The following PER3 variants were observed in gnomAD, a reference collection of about 807,000 sequenced individuals.
PER3 encodes period circadian regulator 3.
A neutral mutation model predicts 127.2 loss-of-function variants in PER3; 107 were observed. The observed-to-expected ratio is 0.84, with a 90% CI of 0.72 to 0.99. The LOEUF (loss-of-function observed/expected upper bound fraction) is 0.99, where lower values mean the gene tolerates loss of function less well. Ranked by LOEUF, PER3 falls within the 50% of genes least tolerant of loss-of-function variation. PER3 has a pLI of 0.00. For synonymous variants in PER3, 618 were observed against 585.8 expected (o/e 1.05, Z -0.79); for missense variants, 1,560 against 1,525.8 (o/e 1.02, Z -0.37).
rs986581492 is a variant in PER3 at position 7,794,096 on chromosome 1, C to G, written c.644+88C>G. On this transcript the variant is annotated intron_variant, in intron 6 of 21. Coordinates refer to ENST00000377532, the MANE Select transcript of PER3 (RefSeq NM_001377275.1). Reference sequence around the variant, plus strand: ...TGGTTTGATTCTTGTGTATTCAGCTCACTTCTGTTGCGAGATACAAAAAAT... The same window carrying G: ...TGGTTTGATTCTTGTGTATTCAGCTGACTTCTGTTGCGAGATACAAAAAAT... The G allele has an allele frequency of 2.8e-6, 3 of 1,058,654 alleles. No homozygotes were observed. The Admixed American group carries it at 5.1e-5, about 18-fold the overall frequency. The allele number at this position is 1,058,654 out of a possible 1,614,324, so 65.6% of individuals were successfully genotyped here.
chr1:7,803,575 G>A (rs1016504469), intron 9 of PER3, 117 bp from the exon 10 acceptor site: 11 of 668,606 alleles, frequency 1.6e-5, no homozygotes, highest in African/African-American at 3.6e-5. Flanking sequence ...GCAACAGAGC[G>A]AGACTCAATC....
intron 18 of PER3, among the ~76,000 whole-genome samples, chr1:7,829,539 A>G (rs930719986): frequency 2.0e-5 from 3 of 152,188 alleles, no homozygotes; most frequent in African/African-American, 7.2e-5. Flanking sequence ...CTATGATACC[A>G]CAGTAGATCT....
At chr1:7,820,069 A>T (rs2097268737) in intron 14 of PER3, 46 bp from the exon 15 acceptor site, 2 of 1,591,274 alleles carry the variant, frequency 1.3e-6, no homozygotes, top group East Asian at 4.5e-5. Context: ...GAAATGGCAC[A>T]ATTAGGGAAC....
intron 11 of PER3, 133 bp downstream of exon 11, chr1:7,809,131 T>C (rs2097208254): frequency 1.7e-6 from 1 of 574,818 alleles, no homozygotes; most frequent in Non-Finnish European, 3.1e-6. Flanking sequence ...AATTTTTGTC[T>C]TTCTCTTTTC....
In PER3 at chr1:7,819,439, G is replaced by C; in HGVS notation, c.1658+19G>C. On this transcript the variant is annotated intron_variant, in intron 14 of 21. Transcript: ENST00000377532. ...TCATCAGGTATGAGACCGCAAGTTT[G>C]GATACCATGTAAGTCTGTTCCGGAA... The C allele has an allele frequency of 2.5e-6, 4 of 1,611,428 alleles. No individual in the cohort carries two copies. Among genetic ancestry groups the C allele is most frequent in the Non-Finnish European group, 3.4e-6 (4 of 1,177,888 alleles).
At chr1:7,802,993 T>G in intron 8 of PER3, 54 bp from the exon 9 acceptor site, 2 of 904,162 alleles carry the variant, frequency 2.2e-6, no homozygotes, top group South Asian at 2.6e-5. Flanking sequence ...TTTTTAAAAG[T>G]GTATAAGAAT....
At position 7,827,358 on chromosome 1, in the gene PER3, T is replaced by G; in HGVS notation, c.2429T>G (p.Phe810Cys). ...PSQAPYLVPA[F>C]PLPAATSPGR... is the part of the protein sequence containing the mutation. ...CAGGCCCCTTACCTCGTCCCAGCTTTTCCCCTCCCAGCCGCGACCTCACCC... is the reference window on the plus strand; with the variant it reads ...CAGGCCCCTTACCTCGTCCCAGCTTGTCCCCTCCCAGCCGCGACCTCACCC... Residue 810 changes from phenylalanine to cysteine, a missense_variant, in exon 18 of 22, where the codon TTT becomes TGT. Phe to Cys is a radical substitution (Grantham distance 205). Around this residue, in one of 3 missense-constraint regions of PER3, gnomAD observed 1,332 missense variants for 1,223.6 expected, o/e 1.09. Transcript: ENST00000377532. The G allele has an allele frequency of 6.2e-7, 1 of 1,614,066 alleles. No homozygotes were observed. The highest frequency in any genetic ancestry group is 8.5e-7 in the Non-Finnish European group (1 of 1,180,004).
At chr1:7,787,243 A>G in intron 4 of PER3, 2 of 897,048 alleles carry the variant, frequency 2.2e-6, no homozygotes, top group Non-Finnish European at 2.7e-6. Context: ...ATGTTATAGA[A>G]CAGGTGAGTT....
chr1:7,836,546 ATG>A (rs1433056467), intron 20 of PER3, among the ~76,000 whole-genome samples: 1 of 152,208 alleles, frequency 6.6e-6, no homozygotes, highest in Admixed American at 6.5e-5. Context: ...CCTTTGAGAA[ATG>A]TGTCTTCAAA....
At position 7,827,829 on chromosome 1, in the gene PER3, A is replaced by G. The variant is rs2097310142; in HGVS notation, c.2886+14A>G. ...CAAACTGAGTATGTAAGTGATGCTC[A>G]TTTTCAACACTCAAGTGAGAAAGTG... On this transcript the variant is annotated intron_variant, in intron 18 of 21. Transcript: ENST00000377532. 6.4e-7 allele frequency: 1 copy of G among 1,571,394 alleles called. No individual in the cohort carries two copies. Among genetic ancestry groups the G allele is most frequent in the Non-Finnish European group, 8.7e-7 (1 of 1,147,812 alleles).
intron 3 of PER3, among the ~76,000 whole-genome samples, chr1:7,786,210 A>G (rs228728): frequency 0.97 from 147,144 of 152,302 alleles, 71,100 homozygotes; most frequent in East Asian, 1. Flanking sequence ...AGCCGAGATC[A>G]CGCCACTGCA....
In PER3 at chr1:7,835,721, G is replaced by A. The variant is rs149115798; in HGVS notation, c.3215-41G>A. 4.2e-5 allele frequency: 61 copies of A among 1,436,138 alleles called. No individual in the cohort carries two copies. In the African/African-American group the frequency reaches 6.5e-4, roughly 15 times the overall value. The allele number at this position is 1,436,138 out of a possible 1,614,324, so 89.0% of individuals were successfully genotyped here. On this transcript the variant is annotated intron_variant, in intron 19 of 21. Coordinates refer to ENST00000377532, the MANE Select transcript of PER3 (RefSeq NM_001377275.1). ...TGAGAGCCAGTTTGGCAAATCAGTC[G>A]GACAGGTCTTTTCTAATTATGTGTT...
chr1:7,810,648 G>C, intron 13 of PER3, 60 bp downstream of exon 13: 1 of 1,470,300 alleles, frequency 6.8e-7, no homozygotes, highest in Non-Finnish European at 9.2e-7. Flanking sequence ...CTGCATAGAC[G>C]TCATGTATGT....
In PER3 at chr1:7,827,181, A is replaced by G. The variant is rs1211847833; in HGVS notation, c.2252A>G (p.Lys751Arg). The G allele has an allele frequency of 6.8e-6, 11 of 1,612,920 alleles. No individual in the cohort carries two copies. The highest frequency in any genetic ancestry group is 8.5e-6 in the Non-Finnish European group (10 of 1,179,652). ...GCRKGKHKRKKLPEPPDSSSS... is the reference protein window; with the variant it reads ...GCRKGKHKRKRLPEPPDSSSS... ...AGGAAAGGGAAGCACAAGCGGAAGA[A>G]GCTGCCGGAGCCGCCAGACAGCAGC... is the stretch of plus-strand genomic sequence containing the variant. The change falls in exon 18 of 22, where the codon AAG (lysine) becomes AGG (arginine). Residue 751 changes from lysine (K) to arginine (R), a missense_variant. Physicochemically the swap from Lys to Arg is conservative, Grantham distance 26. Transcript: ENST00000377532.
chr1:7,840,557 G>C (rs776677461), intron 21 of PER3, among the ~76,000 whole-genome samples: 11 of 151,776 alleles, frequency 7.2e-5, no homozygotes, highest in Non-Finnish European at 1.6e-4. Context: ...AGCTCAAGCA[G>C]TCCACCTGCC....
Position 7,830,176 on chromosome 1 carries a change from C to A in PER3, c.3214+15C>A. 6.2e-7 allele frequency: 1 copy of A among 1,603,336 alleles called. No homozygotes were observed. Among genetic ancestry groups the A allele is most frequent in the Non-Finnish European group, 8.5e-7 (1 of 1,171,216 alleles). ...AGCAGCATCAGGTAGTGGATCAGGA[C>A]AACTAATGTTTCAAACTCCAATGCC... On this transcript the variant is annotated intron_variant, in intron 19 of 21. Transcript: ENST00000377532.
intron 21 of PER3, 180 bp from the exon 22 acceptor site, chr1:7,842,492 T>A (rs927840138): frequency 2.8e-6 from 1 of 350,934 alleles, no homozygotes; most frequent in East Asian, 1.7e-4. Context: ...ACCGCAAGAC[T>A]CTGTCTCAAA....
chr1:7,817,705 T>A (rs1009060585), intron 13 of PER3, among the ~76,000 whole-genome samples: 2 of 152,060 alleles, frequency 1.3e-5, no homozygotes, highest in African/African-American at 4.8e-5. Flanking sequence ...TACAGAGGGA[T>A]GGATAGACAC....
intron 5 of PER3, among the ~76,000 whole-genome samples, chr1:7,793,062 C>T (rs1577654334): frequency 6.6e-6 from 1 of 152,322 alleles, no homozygotes; most frequent in East Asian, 1.9e-4. Context: ...AGTATCAAGA[C>T]CTGGGCTGCT....
Sources: allele counts gnomAD v4.1 joint callset (sites outside exome capture counted in the v4.1 genomes callset), GRCh38; gene constraint gnomAD v4.1.1; regional missense constraint gnomAD v4.1.1; transcripts MANE v1.5; gene names NCBI Gene and HGNC (gene_info 2026-07-23, HGNC 2026-07-21).